EPHB1: variants seen among roughly 807,000 people sequenced by gnomAD.
EPHB1 encodes EPH receptor B1.
Under a neutral mutation model 94.4 loss-of-function variants are expected in EPHB1, and 30 were observed. That is an observed-to-expected ratio of 0.32 (90% CI 0.24 to 0.43). EPHB1 has a LOEUF of 0.43. Among genes scored for constraint, EPHB1 ranks in the 20% least tolerant of loss-of-function variants. The probability of loss-of-function intolerance (pLI) is 1.00; values close to 1 mark genes in which losing one functional copy is unlikely to be tolerated. For synonymous variants in EPHB1, 522 were observed against 489.1 expected (o/e 1.07, Z -0.89); for missense variants, 1,055 against 1,308.3 (o/e 0.81, Z 2.99).
chr3:134,816,916 G>A lies in EPHB1; in HGVS notation c.58+21227G>A, dbSNP rs1229202760. ...CTCACCCTCAGTGTGAGCAGGTCTG[G>A]ACGAATTCCTAGCAGACCCAGCAGA... On this transcript the variant is annotated intron_variant, in intron 1 of 15. Coordinates refer to ENST00000398015, the MANE Select transcript of EPHB1 (RefSeq NM_004441.5). Among the ~76,000 whole-genome samples, 5 of 151,990 alleles carry A rather than the reference G, an allele frequency of 3.3e-5. No individual in the cohort carries two copies. The East Asian group carries it at 9.7e-4, about 30-fold the overall frequency.
At chr3:134,816,347 C>G (rs551556705) in intron 1 of EPHB1, among the ~76,000 whole-genome samples, 29 of 152,176 alleles carry the variant, frequency 1.9e-4, no homozygotes, top group African/African-American at 7.0e-4. Context: ...GCCCACCTCG[C>G]CTCCCAAAGT....
chr3:134,812,009 C>T (rs2036189056), intron 1 of EPHB1, among the ~76,000 whole-genome samples: 1 of 152,160 alleles, frequency 6.6e-6, no homozygotes, highest in Non-Finnish European at 1.5e-5. Flanking sequence ...GGTGTGGAAG[C>T]ATTTCAGGAT....
At chr3:135,232,235 A>T (rs1410059755) in intron 12 of EPHB1, among the ~76,000 whole-genome samples, 1 of 152,202 alleles carries the variant, frequency 6.6e-6, no homozygotes, top group Non-Finnish European at 1.5e-5. Flanking sequence ...ACTTTCAGAG[A>T]GCTTTTAAGT....
At chr3:135,179,389 C>T (rs550514741) in intron 9 of EPHB1, among the ~76,000 whole-genome samples, 1 of 152,322 alleles carries the variant, frequency 6.6e-6, no homozygotes, top group South Asian at 2.1e-4. Context: ...AATCCATCCT[C>T]TTCCCTCTTA....
chr3:135,206,916 A>G (rs913935932), intron 12 of EPHB1, among the ~76,000 whole-genome samples: 1 of 152,186 alleles, frequency 6.6e-6, no homozygotes, highest in South Asian at 2.1e-4. Context: ...TTAAGAAAAA[A>G]AAAAGCTTCC....
At chr3:134,960,780 C>G (rs1459435951) in intron 3 of EPHB1, among the ~76,000 whole-genome samples, 2 of 152,188 alleles carry the variant, frequency 1.3e-5, no homozygotes, top group Non-Finnish European at 2.9e-5. Flanking sequence ...CCAGCAAGGC[C>G]AAACCCAGCC....
At chr3:135,071,018 TTCC>T (rs1407653623) in intron 3 of EPHB1, among the ~76,000 whole-genome samples, 1 of 152,194 alleles carries the variant, frequency 6.6e-6, no homozygotes, top group Non-Finnish European at 1.5e-5. Context: ...CTGGTCTGTG[TTCC>T]TCCTCCTCAA....
chr3:134,946,875 A>T (rs1045199717), intron 2 of EPHB1, among the ~76,000 whole-genome samples: 1 of 152,174 alleles, frequency 6.6e-6, no homozygotes, highest in African/African-American at 2.4e-5. Context: ...CAGGCTGCAG[A>T]ACTATAAACC....
At chr3:134,801,749 G>C (rs2035938948) in intron 1 of EPHB1, among the ~76,000 whole-genome samples, 1 of 152,178 alleles carries the variant, frequency 6.6e-6, no homozygotes, top group African/African-American at 2.4e-5. Context: ...GCAGCTGTAG[G>C]TGGGGCCCTT....
chr3:134,960,912 G>T (rs1281939584), intron 3 of EPHB1, among the ~76,000 whole-genome samples: 8 of 121,046 alleles, frequency 6.6e-5, no homozygotes, highest in Non-Finnish European at 1.2e-4. Flanking sequence ...CAGCTTCAGG[G>T]TCTCTACATC....
In EPHB1 at chr3:135,259,142, G is replaced by A. The variant is rs1559896545; in HGVS notation, c.*22G>A. On this transcript the variant is annotated 3_prime_UTR_variant, in exon 16 of 16. Transcript: ENST00000398015. ...ATGAGAACTCTTGTTTCTTGGGGAA[G>A]GAGAGGAGGGAAAAGGACCAGGGTC... The A allele has an allele frequency of 4.4e-6, 7 of 1,576,056 alleles. No homozygotes were observed. The highest frequency in any genetic ancestry group is 6.1e-6 in the Non-Finnish European group (7 of 1,155,258).
At chr3:135,138,983 C>T (rs1028699614) in intron 5 of EPHB1, among the ~76,000 whole-genome samples, 1 of 152,234 alleles carries the variant, frequency 6.6e-6, no homozygotes, top group African/African-American at 2.4e-5. Context: ...CCTTGGCAAC[C>T]TCGCAGTCCT....
chr3:134,879,639 G>C (rs190983987), intron 1 of EPHB1, among the ~76,000 whole-genome samples: 73 of 152,114 alleles, frequency 4.8e-4, no homozygotes, highest in Middle Eastern at 3.4e-3. Flanking sequence ...GAGACAGAGC[G>C]AGATCCTGTC....
intron 3 of EPHB1, among the ~76,000 whole-genome samples, chr3:135,027,909 A>G (rs1031340729): frequency 7.2e-6 from 1 of 139,070 alleles, no homozygotes; most frequent in Non-Finnish European, 1.6e-5. Flanking sequence ...AGATCCTGTT[A>G]TTGGTCTATT....
chr3:135,161,093 A>C (rs1447957845), intron 6 of EPHB1, among the ~76,000 whole-genome samples: 1 of 152,210 alleles, frequency 6.6e-6, no homozygotes, highest in Non-Finnish European at 1.5e-5. Flanking sequence ...GCAAAAGTCC[A>C]GGCACAAATC....
At chr3:134,973,230 T>G (rs998747027) in intron 3 of EPHB1, among the ~76,000 whole-genome samples, 1 of 152,162 alleles carries the variant, frequency 6.6e-6, no homozygotes, top group Admixed American at 6.5e-5. Context: ...TTTCTCTGGC[T>G]GTGTTCACTG....
chr3:135,107,598 C>T (rs1211595079), intron 4 of EPHB1, among the ~76,000 whole-genome samples: 2 of 152,122 alleles, frequency 1.3e-5, no homozygotes, highest in African/African-American at 2.4e-5. Context: ...CTGCTTGGAC[C>T]AAATCCCTTC....
intron 5 of EPHB1, among the ~76,000 whole-genome samples, chr3:135,133,447 G>A (rs752914236): frequency 1.3e-5 from 2 of 152,184 alleles, no homozygotes; most frequent in Admixed American, 6.5e-5. Context: ...CTAGGTAGGT[G>A]GACAGATGGA....
intron 12 of EPHB1, among the ~76,000 whole-genome samples, chr3:135,209,353 CTT>C (rs1942977276): frequency 6.6e-6 from 1 of 152,198 alleles, no homozygotes; most frequent in African/African-American, 2.4e-5. Context: ...GAGAAAGTAA[CTT>C]TACAGAGAAG....
Sources: gnomAD v4.1 joint callset for allele counts (sites outside exome capture counted in the v4.1 genomes callset) on GRCh38, gnomAD v4.1.1 for gene constraint, MANE v1.5 for transcripts, NCBI Gene and HGNC (gene_info 2026-07-23, HGNC 2026-07-21) for gene names.